CRMP1: variants seen among roughly 807,000 people sequenced by gnomAD.
The protein encoded by CRMP1 is collapsin response mediator protein 1.
In CRMP1, 19 loss-of-function variants were observed where a neutral mutation model predicts 68.3. The ratio of observed to expected loss-of-function variants is 0.28; its 90% CI spans 0.19 to 0.41. The LOEUF is 0.41. Among genes scored for constraint, CRMP1 ranks in the 10% least tolerant of loss-of-function variants. The pLI, the probability that CRMP1 is intolerant of heterozygous loss-of-function variation, is 1.00. For synonymous variants in CRMP1, 439 were observed against 399.6 expected (o/e 1.10, Z -1.18); for missense variants, 791 against 967.4 (o/e 0.82, Z 2.42).
chr4:5,876,477 A>T (rs1560518137), intron 1 of CRMP1, among the ~76,000 whole-genome samples: 1 of 152,126 alleles, frequency 6.6e-6, no homozygotes, highest in Non-Finnish European at 1.5e-5. Flanking sequence ...TAACTAACTG[A>T]CCAGTCTCTT....
At position 5,889,908 on chromosome 4, in the gene CRMP1, G is replaced by T. The variant is rs568904860; in HGVS notation, c.381+2681C>A. 5.0e-6 allele frequency: 7 copies of T among 1,396,322 alleles called. No individual in the cohort carries two copies. The highest frequency in any genetic ancestry group is 5.6e-6 in the Non-Finnish European group (6 of 1,075,698). 86.5% of individuals were successfully genotyped at this position (1,396,322 alleles called of 1,614,324 possible). A position where few individuals can be genotyped will look rare whatever the true frequency, so the allele number is the denominator to read the frequency against. ...CCAGCTCAGTATCCCAGGAACACTA[G>T]GCATAATTTTCCCATTTTACAGACA... On this transcript the variant is annotated intron_variant, in intron 1 of 13. Coordinates refer to ENST00000324989, the MANE Select transcript of CRMP1 (RefSeq NM_001014809.3). The surrounding 1 kb of genome is among the most constrained non-coding windows in gnomAD (Gnocchi z 4.5).
At chr4:5,837,782 G>A (rs1720829874) in intron 9 of CRMP1, among the ~76,000 whole-genome samples, 1 of 152,150 alleles carries the variant, frequency 6.6e-6, no homozygotes, top group Non-Finnish European at 1.5e-5. Flanking sequence ...CCCAGGAAAT[G>A]TTAGCAATTG....
At chr4:5,848,463 T>G (rs11946800) in intron 6 of CRMP1, among the ~76,000 whole-genome samples, 43,418 of 152,094 alleles carry the variant, frequency 0.29, 6,401 homozygotes, top group African/African-American at 0.35. Context: ...AAAGTGCTGG[T>G]ATTACAGGCG....
rs550433228 is a variant in CRMP1 at position 5,866,832 on chromosome 4, T to C, written c.382-76A>G. 1.4e-4 allele frequency: 140 copies of C among 1,026,974 alleles called. No individual in the cohort carries two copies. The highest frequency in any genetic ancestry group is 1.4e-4 in the Non-Finnish European group (102 of 713,806). The allele number at this position is 1,026,974 out of a possible 1,614,324, so 63.6% of individuals were successfully genotyped here. ...AGTTTTTTCTTTTTAATTTTTAATA[T>C]AAGAATTATCAAATATTTTCAAAAG... is the stretch of plus-strand genomic sequence containing the variant. On this transcript the variant is annotated intron_variant, in intron 1 of 13. Transcript: ENST00000324989. This position sits in a 1 kb window ranked among gnomAD's most constrained non-coding sequence, Gnocchi z 5.9.
chr4:5,871,406 A>C (rs962632561), intron 1 of CRMP1, among the ~76,000 whole-genome samples: 1 of 152,136 alleles, frequency 6.6e-6, no homozygotes, highest in South Asian at 2.1e-4. Context: ...CACACCTGTA[A>C]TCCCAGCACT....
rs930850283 is a variant in CRMP1, at chr4:5,859,932, A to G, written c.655+1094T>C. Among the ~76,000 whole-genome samples, 1 of 152,134 alleles carries G rather than the reference A, an allele frequency of 6.6e-6. No homozygotes were observed. The highest frequency in any genetic ancestry group is 1.5e-5 in the Non-Finnish European group (1 of 68,026). ...ACCGAAGAGCCTAACAGTTGAAAGA[A>G]CATTTACAATAAACTGTGGCCTATT... On this transcript the variant is annotated intron_variant, in intron 3 of 13. Transcript: ENST00000324989. The surrounding 1 kb of genome is among the most constrained non-coding windows in gnomAD (Gnocchi z 5.2).
intron 11 of CRMP1, among the ~76,000 whole-genome samples, chr4:5,832,225 T>C (rs1720430250): frequency 6.6e-6 from 1 of 152,226 alleles, no homozygotes; most frequent in South Asian, 2.1e-4. Flanking sequence ...CTGGAGGTGA[T>C]GAAAACATTC....
chr4:5,845,889 C>T (rs1712157347), intron 6 of CRMP1, among the ~76,000 whole-genome samples: 1 of 152,114 alleles, frequency 6.6e-6, no homozygotes. Flanking sequence ...CAGCCATAAA[C>T]AGTCTTGCGA....
At position 5,841,118 on chromosome 4, in the gene CRMP1, T is replaced by C. The variant is rs1711688472; in HGVS notation, c.1153+190A>G. Among the ~76,000 whole-genome samples, 1 of 152,172 alleles carries C rather than the reference T, an allele frequency of 6.6e-6. No homozygotes were observed. Among genetic ancestry groups the C allele is most frequent in the South Asian group, 2.1e-4 (1 of 4,826 alleles). On this transcript the variant is annotated intron_variant, in intron 8 of 13. Transcript: ENST00000324989. This position sits in a 1 kb window ranked among gnomAD's most constrained non-coding sequence, Gnocchi z 6.9. ...TTCTCTTTAAATGGAGCTGAGCTTA[T>C]CGAGGTGAATATCCTAAGGTCATTG...
In CRMP1 at chr4:5,850,507, T is replaced by C. The variant is rs1712546182; in HGVS notation, c.882+901A>G. On this transcript the variant is annotated intron_variant, in intron 5 of 13. Coordinates refer to ENST00000324989, the MANE Select transcript of CRMP1 (RefSeq NM_001014809.3). This position sits in a 1 kb window ranked among gnomAD's most constrained non-coding sequence, Gnocchi z 4.4. ...TTTATCTGAAAGGAAGGACATAAAG[T>C]GCTTCTCCCGTTGCCCATCTATCTT... is the stretch of plus-strand genomic sequence containing the variant. Among the ~76,000 whole-genome samples the C allele has an allele frequency of 6.6e-6, 1 of 152,206 alleles. No homozygotes were observed. Among genetic ancestry groups the C allele is most frequent in the Non-Finnish European group, 1.5e-5 (1 of 68,038 alleles).
At chr4:5,868,283 A>ATC (rs1560513339) in intron 1 of CRMP1, among the ~76,000 whole-genome samples, 3 of 121,138 alleles carry the variant, frequency 2.5e-5, no homozygotes, top group African/African-American at 5.5e-5. Context: ...ATATATATAT[A>ATC]TATATATATA....
intron 1 of CRMP1, among the ~76,000 whole-genome samples, chr4:5,876,295 C>A (rs1560518054): frequency 6.6e-6 from 1 of 152,118 alleles, no homozygotes; most frequent in Non-Finnish European, 1.5e-5. Flanking sequence ...ACTTCCAATA[C>A]TTAATTCTCC....
chr4:5,834,410 G>C lies in CRMP1; in HGVS notation c.1623+1505C>G, dbSNP rs73797914. ...GGCTTGTTATAAAAGCAAATTCAGC[G>C]TCCTCTTGATACTTCTTTCACACTT... On this transcript the variant is annotated intron_variant, in intron 11 of 13. Transcript: ENST00000324989. The surrounding 1 kb of genome is among the most constrained non-coding windows in gnomAD (Gnocchi z 4.3). Among the ~76,000 whole-genome samples, 12 of 152,218 alleles carry C rather than the reference G, an allele frequency of 7.9e-5. No homozygotes were observed. Among genetic ancestry groups the C allele is most frequent in the Non-Finnish European group, 1.3e-4 (9 of 68,026 alleles).
At position 5,868,296 on chromosome 4, in the gene CRMP1, T is replaced by G. The variant is rs1218230398; in HGVS notation, c.382-1540A>C. On this transcript the variant is annotated intron_variant, in intron 1 of 13. Coordinates refer to ENST00000324989, the MANE Select transcript of CRMP1 (RefSeq NM_001014809.3). ...ATATATATATATATATATATATATA[T>G]ATATATACATAATTTTTTTTTTTGA... Among the ~76,000 whole-genome samples, 87 of 103,170 alleles carry G rather than the reference T, an allele frequency of 8.4e-4. 1 individual carries two copies. Among genetic ancestry groups the G allele is most frequent in the African/African-American group, 2.1e-3 (73 of 34,284 alleles). The allele number at this position is 103,170 out of a possible 152,430, so 67.7% of individuals were successfully genotyped here.
rs924276472 is a variant in CRMP1, at chr4:5,858,246, G to C, written c.656-1939C>G. ...GACTCCATCCCCTACTGTTCACTAT[G>C]CTTACTAATTGGATCCCTTTTCTTT... On this transcript the variant is annotated intron_variant, in intron 3 of 13. Transcript: ENST00000324989. The surrounding 1 kb of genome is among the most constrained non-coding windows in gnomAD (Gnocchi z 5.5). 3.6e-4 allele frequency among the ~76,000 whole-genome samples: 55 copies of C among 151,930 alleles called. 1 individual carries two copies. The highest frequency in any genetic ancestry group is 2.0e-4 in the Admixed American group (3 of 15,246).
rs570934260 is a variant in CRMP1 at position 5,877,737 on chromosome 4, TC to T, written c.382-10982del. Among the ~76,000 whole-genome samples, 363 of 152,168 alleles carry T rather than the reference TC, an allele frequency of 2.4e-3. 1 individual carries two copies. The highest frequency in any genetic ancestry group is 8.1e-3 in the African/African-American group (337 of 41,512). On this transcript the variant is annotated intron_variant, in intron 1 of 13. Coordinates refer to ENST00000324989, the MANE Select transcript of CRMP1 (RefSeq NM_001014809.3). This position sits in a 1 kb window ranked among gnomAD's most constrained non-coding sequence, Gnocchi z 4.3. The stretch of plus-strand genomic sequence containing the variant: ...TCCCCATGGACTGCAGGACTTTTTT[TC>T]CCCCCGATATTATGCCTGTTTCCAT...
At position 5,892,185 on chromosome 4, in the gene CRMP1, A is replaced by G. The variant is rs550272000; in HGVS notation, c.381+404T>C. Among the ~76,000 whole-genome samples the G allele has an allele frequency of 8.3e-4, 126 of 152,140 alleles. No homozygotes were observed. The highest frequency in any genetic ancestry group is 2.8e-3 in the African/African-American group (116 of 41,528). ...TACTACCGACTGAGTGGATGGATGA[A>G]TGGACCAACACGGAACGGAGCTCCA... On this transcript the variant is annotated intron_variant, in intron 1 of 13. Transcript: ENST00000324989. This position sits in a 1 kb window ranked among gnomAD's most constrained non-coding sequence, Gnocchi z 8.6.
In CRMP1 at chr4:5,883,319, TGA is replaced by T. The variant is rs1176696958; in HGVS notation, c.381+9268_381+9269del. Among the ~76,000 whole-genome samples, 2 of 151,896 alleles carry T rather than the reference TGA, an allele frequency of 1.3e-5. No individual in the cohort carries two copies. Among genetic ancestry groups the T allele is most frequent in the Non-Finnish European group, 2.9e-5 (2 of 67,966 alleles). ...TTCTCTTTCTTTCTTCTTTTTTGTTTGAGAGAGTCTCATTCTGTCGCCCAGGC... is the reference window on the plus strand; with the variant it reads ...TTCTCTTTCTTTCTTCTTTTTTGTTTGAGAGTCTCATTCTGTCGCCCAGGC... On this transcript the variant is annotated intron_variant, in intron 1 of 13. Coordinates refer to ENST00000324989, the MANE Select transcript of CRMP1 (RefSeq NM_001014809.3). The surrounding 1 kb of genome is among the most constrained non-coding windows in gnomAD (Gnocchi z 4.5).
chr4:5,889,708 C>A lies in CRMP1; in HGVS notation c.381+2881G>T. On this transcript the variant is annotated intron_variant, in intron 1 of 13. Coordinates refer to ENST00000324989, the MANE Select transcript of CRMP1 (RefSeq NM_001014809.3). The surrounding 1 kb of genome is among the most constrained non-coding windows in gnomAD (Gnocchi z 4.5). ...TGAAACTACTCATCTTTTCTGCTTT[C>A]AAGTTGCCATCCAGAGCGAGGGTGG... 1 of 1,536,018 alleles carries A rather than the reference C, an allele frequency of 6.5e-7. No homozygotes were observed. The highest frequency in any genetic ancestry group is 8.7e-7 in the Non-Finnish European group (1 of 1,146,824).
Sources: allele counts gnomAD v4.1 joint callset (sites outside exome capture counted in the v4.1 genomes callset), GRCh38; gene constraint gnomAD v4.1.1; non-coding constraint Gnocchi (gnomAD v3.1); transcripts MANE v1.5; gene names NCBI Gene and HGNC (gene_info 2026-07-23, HGNC 2026-07-21).